Variants in GNB1 observed in about 807,000 individuals in gnomAD.
The protein encoded by GNB1 is guanine nucleotide-binding protein G(I)/G(S)/G(T) subunit beta-1.
GNB1 carries 2 observed loss-of-function variants against 42.9 expected under a neutral mutation model. The observed-to-expected ratio is 0.05, with a 90% CI of 0.02 to 0.15. The LOEUF is 0.15. Ranked by LOEUF, GNB1 falls within the 10% of genes least tolerant of loss-of-function variation. GNB1 has a pLI of 1.00. For missense variants in GNB1, 193 were observed against 462.2 expected (o/e 0.42, Z 5.34); for synonymous variants, 183 against 174.7 (o/e 1.05, Z -0.38).
At chr1:1,888,866 C>T (rs918785948) in intron 1 of GNB1, among the ~76,000 whole-genome samples, 2 of 152,108 alleles carry the variant, frequency 1.3e-5, no homozygotes, top group African/African-American at 4.8e-5. Context: ...TCTGCCTTAG[C>T]ATAAACCAAG....
rs1043597928 is a variant in GNB1, at chr1:1,865,952, T to A, written c.-96+24868A>T. Among the ~76,000 whole-genome samples the A allele has an allele frequency of 5.3e-5, 8 of 152,184 alleles. No individual in the cohort carries two copies. The South Asian group carries it at 6.2e-4, about 12-fold the overall frequency. Reference sequence around the variant, plus strand: ...CTTGAAAACAGTATTTATTTATTTTTTTTTTTTTTGAGTTTCACTCTTGTT... The same window carrying A: ...CTTGAAAACAGTATTTATTTATTTTATTTTTTTTTGAGTTTCACTCTTGTT... On this transcript the variant is annotated intron_variant, in intron 1 of 11. Transcript: ENST00000378609.
intron 1 of GNB1, among the ~76,000 whole-genome samples, chr1:1,888,579 C>G (rs368278006): frequency 7.4e-4 from 112 of 152,140 alleles, no homozygotes; most frequent in African/African-American, 2.6e-3. Context: ...GGCTCACGCT[C>G]GTAATCCCAG....
At chr1:1,825,631 G>C in intron 2 of GNB1, 132 bp from the exon 3 acceptor site, 2 of 577,882 alleles carry the variant, frequency 3.5e-6, no homozygotes, top group South Asian at 1.8e-5. Context: ...TTGGGAGGCC[G>C]AGGCGGGCAG....
chr1:1,888,325 C>T (rs1483388342), intron 1 of GNB1, among the ~76,000 whole-genome samples: 3 of 150,130 alleles, frequency 2.0e-5, no homozygotes, highest in Admixed American at 1.3e-4. Context: ...GGAGGGGGCA[C>T]AGGCACCTCA....
intron 3 of GNB1, chr1:1,825,046 TG>T (rs1646978998): frequency 5.2e-6 from 1 of 193,062 alleles, no homozygotes; most frequent in Non-Finnish European, 1.1e-5. Context: ...AGTTTTCTGC[TG>T]TCAATAGTCC....
At chr1:1,792,411 AT>A (rs1162006669) in intron 8 of GNB1, among the ~76,000 whole-genome samples, 1 of 152,070 alleles carries the variant, frequency 6.6e-6, no homozygotes, top group African/African-American at 2.4e-5. Context: ...TAAAATATCT[AT>A]GTTGGCCAGG....
At chr1:1,840,539 GCA>G (rs111435979) in intron 1 of GNB1, among the ~76,000 whole-genome samples, 9 of 151,366 alleles carry the variant, frequency 5.9e-5, no homozygotes, top group African/African-American at 1.9e-4. Flanking sequence ...AAACACACAC[GCA>G]CACACACACA....
chr1:1,814,277 C>T (rs1370047656), intron 5 of GNB1, among the ~76,000 whole-genome samples: 2 of 152,152 alleles, frequency 1.3e-5, no homozygotes, highest in Admixed American at 6.6e-5. Context: ...GAAAATTCCA[C>T]GCTAACAACG....
At chr1:1,830,223 T>G (rs1212377857) in intron 2 of GNB1, among the ~76,000 whole-genome samples, 1 of 152,112 alleles carries the variant, frequency 6.6e-6, no homozygotes, top group Non-Finnish European at 1.5e-5. Context: ...CAAAGAAACA[T>G]TTTTTTCTTT....
At chr1:1,876,457 AAG>A (rs901462030) in intron 1 of GNB1, among the ~76,000 whole-genome samples, 14 of 151,066 alleles carry the variant, frequency 9.3e-5, no homozygotes, top group African/African-American at 3.4e-4. Context: ...AGCTAAGAAA[AAG>A]AGAGAGCAAG....
At chr1:1,826,125 C>T (rs1646994794) in intron 2 of GNB1, among the ~76,000 whole-genome samples, 1 of 152,038 alleles carries the variant, frequency 6.6e-6, no homozygotes, top group Admixed American at 6.6e-5. Context: ...GAACATAAGA[C>T]TGACATTTAG....
chr1:1,856,774 T>C (rs1485156584), intron 1 of GNB1, among the ~76,000 whole-genome samples: 9 of 152,206 alleles, frequency 5.9e-5, no homozygotes, highest in African/African-American at 2.2e-4. Context: ...CCACCTAATG[T>C]AGCAATTAAC....
chr1:1,819,847 C>A (rs555312499), intron 3 of GNB1, among the ~76,000 whole-genome samples: 1 of 152,176 alleles, frequency 6.6e-6, no homozygotes, highest in East Asian at 1.9e-4. Flanking sequence ...CCAGCTGACA[C>A]TTTCTAGTAA....
At chr1:1,793,522 G>A (rs1458623177) in intron 7 of GNB1, 7 of 420,474 alleles carry the variant, frequency 1.7e-5, no homozygotes, top group East Asian at 3.6e-5. Flanking sequence ...AGGACAGCAC[G>A]TCCCACAGAG....
intron 3 of GNB1, among the ~76,000 whole-genome samples, chr1:1,820,536 G>GA (rs1472463911): frequency 1.3e-5 from 2 of 152,050 alleles, no homozygotes; most frequent in African/African-American, 4.8e-5. Flanking sequence ...TAAGGGGGAT[G>GA]AAGAATACTT....
rs530008064 is a variant in GNB1, at chr1:1,888,068, A to G, written c.-96+2752T>C. Among the ~76,000 whole-genome samples, 159 of 152,342 alleles carry G rather than the reference A, an allele frequency of 1.0e-3. 1 individual carries two copies. Among genetic ancestry groups the G allele is most frequent in the African/African-American group, 3.7e-3 (152 of 41,582 alleles). On this transcript the variant is annotated intron_variant, in intron 1 of 11. Coordinates refer to ENST00000378609, the MANE Select transcript of GNB1 (RefSeq NM_002074.5). ...AACTGAAGATATCAAAGAAAAAACA[A>G]TATTTTAAAGGTATCACTGAAGAGC...
At chr1:1,800,888 C>G (rs1228942063) in intron 7 of GNB1, among the ~76,000 whole-genome samples, 1 of 152,168 alleles carries the variant, frequency 6.6e-6, no homozygotes, top group Non-Finnish European at 1.5e-5. Flanking sequence ...GCTTTGCTAG[C>G]AGCAGACCTG....
chr1:1,814,810 A>AG (rs1379778034), intron 5 of GNB1, among the ~76,000 whole-genome samples: 2 of 143,588 alleles, frequency 1.4e-5, no homozygotes, highest in Admixed American at 7.5e-5. Context: ...AAAAAAAAAA[A>AG]AAAAAAAAAA....
At chr1:1,842,407 G>A (rs748777778) in intron 1 of GNB1, among the ~76,000 whole-genome samples, 1 of 151,456 alleles carries the variant, frequency 6.6e-6, no homozygotes, top group African/African-American at 2.4e-5. Flanking sequence ...TCCAGCCTGG[G>A]CGGGGTGACA....
Sources: allele counts gnomAD v4.1 joint callset (sites outside exome capture counted in the v4.1 genomes callset), GRCh38; gene constraint gnomAD v4.1.1; transcripts MANE v1.5; gene names NCBI Gene and HGNC (gene_info 2026-07-23, HGNC 2026-07-21).